The following OAS3 variants were observed in gnomAD, a reference collection of about 807,000 sequenced individuals.
OAS3 encodes the protein 2'-5'-oligoadenylate synthase 3.
OAS3 carries 107 observed loss-of-function variants against 113.0 expected under a neutral mutation model. The ratio of observed to expected loss-of-function variants is 0.95; its 90% CI spans 0.81 to 1.11. The LOEUF is 1.11. Ranked by LOEUF, OAS3 falls within the 50% of genes most tolerant of loss-of-function variation. The probability of loss-of-function intolerance (pLI) is 0.00; values close to 1 mark genes in which losing one functional copy is unlikely to be tolerated. For missense variants in OAS3, 1,258 were observed against 1,389.1 expected, an observed-to-expected ratio of 0.91 and a Z score of 1.50; for synonymous variants, 552 against 573.6, an observed-to-expected ratio of 0.96 and a Z score of 0.54.
Position 112,941,781 on chromosome 12 carries a change from A to G in OAS3, c.389A>G (p.Gln130Arg). ...FPEQSVPGAL[Q>R]FRLTSVDLED... ...GAGCAGAGCGTGCCTGGGGCCCTGC[A>G]GTTCCGCCTGACATCCGTAGATCTT... is the stretch of plus-strand genomic sequence containing the variant. Residue 130 changes from glutamine to arginine, a missense_variant, in exon 2 of 16, where the codon CAG (glutamine) becomes CGG (arginine). By Grantham distance (43) the Gln-to-Arg change is conservative (BLOSUM62 1). Transcript: ENST00000228928. The G allele has an allele frequency of 3.1e-6, 5 of 1,614,010 alleles. No individual in the cohort carries two copies. The highest frequency in any genetic ancestry group is 4.2e-6 in the Non-Finnish European group (5 of 1,179,886).
intron 14 of OAS3, 144 bp from the exon 15 acceptor site, chr12:112,969,464 T>G (rs1303586842): frequency 2.3e-6 from 2 of 887,742 alleles, no homozygotes; most frequent in Non-Finnish European, 3.5e-6. Flanking sequence ...TGCCCTGTAG[T>G]GTATAGGAGC....
At chr12:112,968,347 A>G (rs961403163) in intron 14 of OAS3, among the ~76,000 whole-genome samples, 173 bp downstream of exon 14, 1 of 152,224 alleles carries the variant, frequency 6.6e-6, no homozygotes, top group Non-Finnish European at 1.5e-5. Context: ...GTCACCCAGG[A>G]ATAGGGTTGC....
At chr12:112,960,869 A>G (rs1287815312) in intron 7 of OAS3, among the ~76,000 whole-genome samples, 3 of 152,206 alleles carry the variant, frequency 2.0e-5, no homozygotes, top group African/African-American at 7.2e-5. Context: ...GGATTAGCAA[A>G]AAATATTGAA....
At chr12:112,944,683 T>C in intron 3 of OAS3, 32 bp downstream of exon 3, 2 of 1,609,538 alleles carry the variant, frequency 1.2e-6, no homozygotes, top group Non-Finnish European at 1.7e-6. Flanking sequence ...TCTCCAGACA[T>C]GTGACTGTTT....
chr12:112,947,725 C>G (rs2043745975), intron 4 of OAS3, among the ~76,000 whole-genome samples: 1 of 152,184 alleles, frequency 6.6e-6, no homozygotes, highest in African/African-American at 2.4e-5. Context: ...AGAGTGGATC[C>G]TGGTATCTTG....
intron 13 of OAS3, 78 bp downstream of exon 13, chr12:112,967,671 G>A: frequency 6.7e-7 from 1 of 1,487,198 alleles, no homozygotes; most frequent in Non-Finnish European, 9.1e-7. Flanking sequence ...AGGAAGCAGG[G>A]CCCAGCCCTG....
intron 7 of OAS3, among the ~76,000 whole-genome samples, chr12:112,953,588 G>A (rs1315825809): frequency 2.0e-5 from 3 of 152,142 alleles, no homozygotes; most frequent in Non-Finnish European, 4.4e-5. Flanking sequence ...GGCTGAACTA[G>A]TTTACAGTCC....
At position 112,966,045 on chromosome 12, in the gene OAS3, G is replaced by T. The variant is rs756974934; in HGVS notation, c.2689+16G>T. ...GACGCCCTAGGTGAGGTGCCCTGGC[G>T]TAGACCTGAGAGGGGGAAATACAGA... On this transcript the variant is annotated intron_variant, in intron 12 of 15. Transcript: ENST00000228928. The T allele has an allele frequency of 1.1e-5, 17 of 1,612,820 alleles. No individual in the cohort carries two copies. The highest frequency in any genetic ancestry group is 1.4e-5 in the Non-Finnish European group (17 of 1,179,000).
At position 112,946,889 on chromosome 12, in the gene OAS3, G is replaced by C; in HGVS notation, c.783G>C (p.Gln261His). 6.2e-7 allele frequency: 1 copy of C among 1,614,036 alleles called. No individual in the cohort carries two copies. Among genetic ancestry groups the C allele is most frequent in the Non-Finnish European group, 8.5e-7 (1 of 1,179,902 alleles). ...GAACTGTCCTGGGCCTGATCCAACAGCATCAGCACCTGTGTGTTTTCTGGA... is the reference window on the plus strand; with the variant it reads ...GAACTGTCCTGGGCCTGATCCAACACCATCAGCACCTGTGTGTTTTCTGGA... The part of the protein sequence containing the change: ...GLRTVLGLIQ[Q>H]HQHLCVFWTV... Residue 261 changes from glutamine to histidine, a missense_variant, in exon 4 of 16, where the codon CAG becomes CAC. Transcript: ENST00000228928.
rs60708145 is a variant in OAS3 at position 112,940,128 on chromosome 12, C to T, written c.177+1421C>T. ...GCACGGTGCAATCTCCCTGTGCTTT[C>T]GTTTCCTCTTTTGTAAAGTGGTACC... is the stretch of plus-strand genomic sequence containing the variant. On this transcript the variant is annotated intron_variant, in intron 1 of 15. Coordinates refer to ENST00000228928, the MANE Select transcript of OAS3 (RefSeq NM_006187.4). Among the ~76,000 whole-genome samples, 1,099 of 152,260 alleles carry T rather than the reference C, an allele frequency of 7.2e-3. 14 individuals carry two copies. Among genetic ancestry groups the T allele is most frequent in the African/African-American group, 0.023 (957 of 41,534 alleles).
Position 112,969,669 on chromosome 12 carries a change from C to T in OAS3, c.3166C>T (p.Leu1056=). 1.9e-6 allele frequency: 3 copies of T among 1,610,950 alleles called. No individual in the cohort carries two copies. Among genetic ancestry groups the T allele is most frequent in the Non-Finnish European group, 2.5e-6 (3 of 1,178,656 alleles). ...CCTGGGCCACAATGCCCGCTGGGACCTGCTGGCCAAGGAAGCTGCAGCCTG... is the reference window on the plus strand; with the variant it reads ...CCTGGGCCACAATGCCCGCTGGGACTTGCTGGCCAAGGAAGCTGCAGCCTG... The part of the protein sequence containing the change: ...GNLGHNARWD[L]LAKEAAACTS... The change falls in exon 15 of 16, where the codon CTG becomes TTG. Residue 1056 remains leucine, a synonymous_variant. Transcript: ENST00000228928.
At chr12:112,967,899 C>A in intron 13 of OAS3, 37 bp from the exon 14 acceptor site, 1 of 1,596,774 alleles carries the variant, frequency 6.3e-7, no homozygotes, top group Non-Finnish European at 8.5e-7. Context: ...TCATCAGTGC[C>A]AATATGAACC....
At chr12:112,967,763 TG>T (rs984435794) in intron 13 of OAS3, among the ~76,000 whole-genome samples, 170 bp downstream of exon 13, 117 of 152,276 alleles carry the variant, frequency 7.7e-4, no homozygotes, top group African/African-American at 2.5e-3. Flanking sequence ...ATCTGTAAGA[TG>T]GGGGTGATAA....
Position 112,969,762 on chromosome 12 carries a change from G to C in OAS3, c.3252+7G>C. ...CCAGCCATGGCCAGTGAAGGTGAGA[G>C]ATCTGTGGTGCCAAAGGAAGTACCC... On this transcript the variant is annotated splice_region_variant and intron_variant, in intron 15 of 15. Transcript: ENST00000228928. 6.2e-7 allele frequency: 1 copy of C among 1,611,468 alleles called. No individual in the cohort carries two copies. The highest frequency in any genetic ancestry group is 1.9e-4 in the Middle Eastern group (1 of 5,288).
At chr12:112,968,230 C>A in intron 14 of OAS3, 56 bp downstream of exon 14, 1 of 1,554,392 alleles carries the variant, frequency 6.4e-7, no homozygotes, top group Non-Finnish European at 8.7e-7. Flanking sequence ...CTCACTCTCC[C>A]CACTTTCTAG....
intron 14 of OAS3, among the ~76,000 whole-genome samples, chr12:112,968,927 T>C (rs1407922154): frequency 6.6e-6 from 1 of 152,188 alleles, no homozygotes. Context: ...ACAGAGATAA[T>C]AGAGATGCTT....
intron 1 of OAS3, among the ~76,000 whole-genome samples, chr12:112,939,418 C>T (rs2043660360): frequency 7.0e-6 from 1 of 143,318 alleles, no homozygotes; most frequent in Non-Finnish European, 1.5e-5. Context: ...CTCCTGGGCT[C>T]AAGTTATTCT....
chr12:112,959,985 G>C (rs1416211588), intron 7 of OAS3, among the ~76,000 whole-genome samples: 8 of 152,022 alleles, frequency 5.3e-5, no homozygotes, highest in Admixed American at 2.0e-4. Context: ...AATTCTTGAG[G>C]TGCTAATTTT....
In OAS3 at chr12:112,961,237, G is replaced by A. The variant is rs1489458800; in HGVS notation, c.1824G>A (p.Trp608Ter). 2 of 1,613,800 alleles carry A rather than the reference G, an allele frequency of 1.2e-6. No homozygotes were observed. Among genetic ancestry groups the A allele is most frequent in the East Asian group, 2.2e-5 (1 of 44,888 alleles). The change falls in exon 8 of 16, where the codon TGG becomes TGA. Residue 608 changes from tryptophan (W) to a stop codon, truncating the protein, a stop_gained. Transcript: ENST00000228928. LOFTEE classifies it high-confidence loss of function. ...LKNLILLVKH[W>*]YRQVAAQNKG... ...ACCTGATTCTGCTGGTGAAGCACTG[G>A]TACCGCCAGGTGAGTTGCCCCTGGC... is the stretch of plus-strand genomic sequence containing the variant.
Sources: gnomAD v4.1 joint callset for allele counts (sites outside exome capture counted in the v4.1 genomes callset) on GRCh38, gnomAD v4.1.1 for gene constraint, MANE v1.5 for transcripts, NCBI Gene and HGNC (gene_info 2026-07-23, HGNC 2026-07-21) for gene names.